The following ZEB1 variants were observed in gnomAD, a reference collection of about 807,000 sequenced individuals.
The protein encoded by ZEB1 is zinc finger E-box binding homeobox 1.
A neutral mutation model predicts 84.9 loss-of-function variants in ZEB1; 21 were observed. The observed-to-expected ratio is 0.25, with a 90% CI of 0.18 to 0.36. ZEB1 has a LOEUF of 0.36. Ranked by LOEUF, ZEB1 falls within the 10% of genes least tolerant of loss-of-function variation. The pLI, the probability that ZEB1 is intolerant of heterozygous loss-of-function variation, is 1.00. For missense variants in ZEB1, 1,104 were observed against 1,330.2 expected, an observed-to-expected ratio of 0.83 and a Z score of 2.65; for synonymous variants, 420 against 471.1, an observed-to-expected ratio of 0.89 and a Z score of 1.41.
chr10:31,462,470 G>A (rs1227098203), intron 2 of ZEB1, among the ~76,000 whole-genome samples: 4 of 152,150 alleles, frequency 2.6e-5, no homozygotes, highest in Non-Finnish European at 5.9e-5. Context: ...CATCAAGGAG[G>A]AGCATCCGAA....
intron 1 of ZEB1, among the ~76,000 whole-genome samples, chr10:31,423,355 T>A (rs2136085771): frequency 6.6e-6 from 1 of 152,290 alleles, no homozygotes; most frequent in East Asian, 1.9e-4. Context: ...CAGAGGTGAC[T>A]AATTTTTTGT....
chr10:31,506,372 C>T (rs995547471), intron 4 of ZEB1, among the ~76,000 whole-genome samples: 17 of 152,112 alleles, frequency 1.1e-4, no homozygotes, highest in African/African-American at 4.1e-4. Context: ...GTTGAAGTCC[C>T]TAACTATTAT....
At chr10:31,466,027 G>C (rs1398572280) in intron 2 of ZEB1, among the ~76,000 whole-genome samples, 1 of 152,150 alleles carries the variant, frequency 6.6e-6, no homozygotes, top group Non-Finnish European at 1.5e-5. Context: ...ATTGTCACAA[G>C]AGGCAATGAA....
intron 1 of ZEB1, among the ~76,000 whole-genome samples, chr10:31,402,562 AGTTTTCTCACCT>A (rs1284994245): frequency 6.6e-6 from 1 of 152,032 alleles, no homozygotes; most frequent in Non-Finnish European, 1.5e-5. Context: ...TCTGGCTTTC[AGTTTTCTCACCT>A]GTAAAATAAG....
intron 2 of ZEB1, among the ~76,000 whole-genome samples, chr10:31,479,408 G>A (rs2064742539): frequency 6.6e-6 from 1 of 151,870 alleles, no homozygotes; most frequent in South Asian, 2.1e-4. Context: ...CATTCTGTAA[G>A]ACCAGCATTG....
At chr10:31,318,868 C>T (rs1436634759), upstream of ZEB1, 1 of 354,440 alleles carries the variant, frequency 2.8e-6, no homozygotes, top group East Asian at 7.2e-5. Flanking sequence ...AGCGCGGAGG[C>T]AGGACGCCGC....
At chr10:31,335,959 G>A (rs921930358) in intron 1 of ZEB1, among the ~76,000 whole-genome samples, 2 of 152,118 alleles carry the variant, frequency 1.3e-5, no homozygotes, top group African/African-American at 4.8e-5. Context: ...ATGCAATTAA[G>A]AGGTAGCATT....
chr10:31,475,065 G>T (rs2063890318), intron 2 of ZEB1, among the ~76,000 whole-genome samples: 1 of 150,098 alleles, frequency 6.7e-6, no homozygotes, highest in South Asian at 2.1e-4. Flanking sequence ...CTGTTGTGGG[G>T]TGGGGCGGGG....
chr10:31,433,041 C>T (rs2136290704), intron 1 of ZEB1, among the ~76,000 whole-genome samples: 1 of 152,270 alleles, frequency 6.6e-6, no homozygotes, highest in East Asian at 1.9e-4. Context: ...ATTACCAAAA[C>T]TCACCAAGTA....
At position 31,520,559 on chromosome 10, in the gene ZEB1, T is replaced by C. The variant is rs1339210630; in HGVS notation, c.1227T>C (p.Asn409=). 3 of 1,613,940 alleles carry C rather than the reference T, an allele frequency of 1.9e-6. No homozygotes were observed. The African/African-American group carries it at 4.0e-5, about 22-fold the overall frequency. ...GTTTGGTGTCTCCCATAAGTATCAA[T>C]TTAAGTGATATTCAGAATGTACTTA... ...TVGLVSPISI[N]LSDIQNVLKV... Residue 409 remains asparagine, a synonymous_variant, in exon 7 of 9, where the codon AAT becomes AAC. Transcript: ENST00000424869. The surrounding 1 kb of genome is among the most constrained non-coding windows in gnomAD (Gnocchi z 5.1).
At chr10:31,402,297 T>C (rs1188137544) in intron 1 of ZEB1, among the ~76,000 whole-genome samples, 1 of 151,978 alleles carries the variant, frequency 6.6e-6, no homozygotes, top group African/African-American at 2.4e-5. Context: ...TCTGATTAAA[T>C]GATAAAGAAG....
chr10:31,419,481 G>A (rs1365880294), intron 1 of ZEB1, among the ~76,000 whole-genome samples: 1 of 152,130 alleles, frequency 6.6e-6, no homozygotes, highest in African/African-American at 2.4e-5. Flanking sequence ...GATTTGCTAA[G>A]AGAACAGGTA....
chr10:31,513,280 A>T (rs1168977999), intron 5 of ZEB1, among the ~76,000 whole-genome samples: 1 of 152,156 alleles, frequency 6.6e-6, no homozygotes, highest in Admixed American at 6.5e-5. Context: ...GGTAATCAAG[A>T]ATAACTCCAA....
At chr10:31,441,502 G>A (rs1473038337) in intron 1 of ZEB1, among the ~76,000 whole-genome samples, 1 of 152,146 alleles carries the variant, frequency 6.6e-6, no homozygotes, top group African/African-American at 2.4e-5. Flanking sequence ...CACGGGCAAG[G>A]ACTTCATGTC....
intron 1 of ZEB1, chr10:31,374,930 G>C (rs959406077): frequency 4.3e-4 from 66 of 151,742 alleles, no homozygotes; most frequent in African/African-American, 1.5e-3. Context: ...TTCCTCAACT[G>C]AATTTAAAAT....
chr10:31,322,814 G>C (rs1350131356), intron 1 of ZEB1, among the ~76,000 whole-genome samples: 6 of 151,134 alleles, frequency 4.0e-5, no homozygotes, highest in African/African-American at 1.5e-4. Context: ...ATTCTCTTTA[G>C]ATGGAATAGA....
At chr10:31,327,992 G>A (rs568718385) in intron 1 of ZEB1, among the ~76,000 whole-genome samples, 2 of 151,822 alleles carry the variant, frequency 1.3e-5, no homozygotes, top group South Asian at 4.2e-4. Flanking sequence ...CCTCTTTTTG[G>A]ATAGATTTCC....
At chr10:31,328,290 C>G (rs931920651) in intron 1 of ZEB1, among the ~76,000 whole-genome samples, 1 of 152,108 alleles carries the variant, frequency 6.6e-6, no homozygotes, top group African/African-American at 2.4e-5. Context: ...TAACTTACTA[C>G]CTATCACCCT....
intron 1 of ZEB1, among the ~76,000 whole-genome samples, chr10:31,452,845 C>G (rs1437184312): frequency 6.6e-6 from 1 of 151,634 alleles, no homozygotes; most frequent in Non-Finnish European, 1.5e-5. Context: ...TTCCACCGAT[C>G]TTTGCATCAC....
Sources: allele counts gnomAD v4.1 joint callset (sites outside exome capture counted in the v4.1 genomes callset), GRCh38; gene constraint gnomAD v4.1.1; non-coding constraint Gnocchi (gnomAD v3.1); transcripts MANE v1.5; gene names NCBI Gene and HGNC (gene_info 2026-07-23, HGNC 2026-07-21).